The following ADGRL3 variants were observed in gnomAD, a reference collection of about 807,000 sequenced individuals.
ADGRL3 encodes the protein adhesion G protein-coupled receptor L3, also known as calcium-independent alpha-latrotoxin receptor 3.
ADGRL3 carries 62 observed loss-of-function variants against 153.5 expected under a neutral mutation model. The ratio of observed to expected loss-of-function variants is 0.40; its 90% CI spans 0.33 to 0.50. The LOEUF (loss-of-function observed/expected upper bound fraction) is 0.50. Ranked by LOEUF, ADGRL3 falls within the 20% of genes least tolerant of loss-of-function variation. The probability of loss-of-function intolerance (pLI) is 0.47; values close to 1 mark genes in which losing one functional copy is unlikely to be tolerated. For synonymous variants in ADGRL3, 710 were observed against 672.5 expected (o/e 1.06, Z -0.86); for missense variants, 1,641 against 1,859.4 (o/e 0.88, Z 2.16).
At chr4:61,486,485 G>A (rs1177834120) in intron 2 of ADGRL3, among the ~76,000 whole-genome samples, 2 of 152,182 alleles carry the variant, frequency 1.3e-5, no homozygotes, top group East Asian at 1.9e-4. Context: ...TAATCATAAA[G>A]GCTCTAAGAT....
chr4:61,438,818 C>T (rs1418614802), intron 2 of ADGRL3, among the ~76,000 whole-genome samples: 1 of 151,786 alleles, frequency 6.6e-6, no homozygotes, highest in Non-Finnish European at 1.5e-5. Flanking sequence ...CACCATTCTC[C>T]TGCCTCAGCT....
intron 5 of ADGRL3, among the ~76,000 whole-genome samples, chr4:61,655,544 A>C (rs945590658): frequency 6.6e-6 from 1 of 152,198 alleles, no homozygotes; most frequent in Non-Finnish European, 1.5e-5. Flanking sequence ...ATACACTTAC[A>C]CTTGGAAAAA....
chr4:61,349,892 A>G (rs2096004770), intron 1 of ADGRL3, among the ~76,000 whole-genome samples: 1 of 152,172 alleles, frequency 6.6e-6, no homozygotes, highest in African/African-American at 2.4e-5. Flanking sequence ...TGGCATTTCC[A>G]TACCTTGATC....
At chr4:62,024,531 T>C (rs2151424238) in intron 21 of ADGRL3, among the ~76,000 whole-genome samples, 1 of 152,264 alleles carries the variant, frequency 6.6e-6, no homozygotes, top group Non-Finnish European at 1.5e-5. Flanking sequence ...ACATGTATAT[T>C]ATGTGACTTT....
At chr4:61,468,779 T>G (rs2097913196) in intron 2 of ADGRL3, among the ~76,000 whole-genome samples, 2 of 152,128 alleles carry the variant, frequency 1.3e-5, no homozygotes, top group African/African-American at 4.8e-5. Context: ...TATCAGAGTC[T>G]ACACCACAGA....
intron 13 of ADGRL3, among the ~76,000 whole-genome samples, chr4:61,922,315 AG>A (rs1185522119): frequency 6.6e-6 from 1 of 152,214 alleles, no homozygotes; most frequent in Non-Finnish European, 1.5e-5. Context: ...TAAAACTAAT[AG>A]ATATTATTTT....
At position 61,477,779 on chromosome 4, in the gene ADGRL3, A is replaced by G. The variant is rs377538001; in HGVS notation, c.-173-19342A>G. Reference sequence around the variant, plus strand: ...AATGTGATGATATGTCTTTATCTCTATTATTTTTAAAAGCTGTAGCTATTT... The same window carrying G: ...AATGTGATGATATGTCTTTATCTCTGTTATTTTTAAAAGCTGTAGCTATTT... On this transcript the variant is annotated intron_variant, in intron 2 of 26. Coordinates refer to ENST00000683033, the MANE Select transcript of ADGRL3 (RefSeq NM_001387552.1). Among the ~76,000 whole-genome samples the G allele has an allele frequency of 3.9e-5, 6 of 152,168 alleles. No individual in the cohort carries two copies. The South Asian group carries it at 8.3e-4, about 21-fold the overall frequency.
chr4:61,270,522 A>G (rs1444757954), intron 1 of ADGRL3, among the ~76,000 whole-genome samples: 1 of 151,826 alleles, frequency 6.6e-6, no homozygotes, highest in African/African-American at 2.4e-5. Context: ...GTCTAGTCAA[A>G]AAAGGTCCTA....
intron 9 of ADGRL3, among the ~76,000 whole-genome samples, chr4:61,860,866 C>G (rs2098333585): frequency 6.6e-6 from 1 of 152,076 alleles, no homozygotes; most frequent in African/African-American, 2.4e-5. Context: ...TTAGCAAGTG[C>G]AAAGTAACAT....
At position 61,983,418 on chromosome 4, in the gene ADGRL3, C is replaced by T. The variant is rs1261460462; in HGVS notation, c.3051C>T (p.Phe1017=). 6.2e-7 allele frequency: 1 copy of T among 1,613,752 alleles called. No homozygotes were observed. Among genetic ancestry groups the T allele is most frequent in the African/African-American group, 1.3e-5 (1 of 75,012 alleles). ...ACAVFAALLH[F]FFLAAFTWMF... ...CTGTTTTCGCTGCCCTGTTACATTT[C>T]TTCTTCTTGGCTGCCTTCACCTGGA... The change falls in exon 19 of 27, where the codon TTC becomes TTT. Residue 1017 remains phenylalanine (F), a synonymous_variant. Coordinates refer to ENST00000683033, the MANE Select transcript of ADGRL3 (RefSeq NM_001387552.1).
intron 3 of ADGRL3, among the ~76,000 whole-genome samples, chr4:61,502,392 AGGAATAAC>A (rs940779938): frequency 6.6e-6 from 1 of 152,196 alleles, no homozygotes; most frequent in African/African-American, 2.4e-5. Flanking sequence ...CACTTAAACT[AGGAATAAC>A]GGCGAGCGGT....
chr4:61,619,935 T>C (rs74953961), intron 5 of ADGRL3, among the ~76,000 whole-genome samples: 4,978 of 152,288 alleles, frequency 0.033, 154 homozygotes, highest in East Asian at 0.18. Context: ...TAAAATTTCA[T>C]CTGTGTCAAG....
intron 6 of ADGRL3, among the ~76,000 whole-genome samples, chr4:61,717,712 T>C (rs1486101106): frequency 5.9e-5 from 9 of 152,172 alleles, no homozygotes; most frequent in Non-Finnish European, 1.3e-4. Context: ...GTAAGCTATT[T>C]TGTTTGCAGT....
At chr4:61,651,127 G>A (rs990313461) in intron 5 of ADGRL3, among the ~76,000 whole-genome samples, 2 of 152,060 alleles carry the variant, frequency 1.3e-5, no homozygotes, top group Non-Finnish European at 2.9e-5. Flanking sequence ...CGGAAGAAAA[G>A]TTCTAGCTTA....
intron 2 of ADGRL3, among the ~76,000 whole-genome samples, chr4:61,416,492 AAC>A (rs1350822980): frequency 6.6e-6 from 1 of 152,206 alleles, no homozygotes; most frequent in African/African-American, 2.4e-5. Flanking sequence ...AGGACAGTTG[AAC>A]ATTAAACTCA....
At chr4:61,369,775 T>A (rs2151678730) in intron 1 of ADGRL3, among the ~76,000 whole-genome samples, 1 of 152,332 alleles carries the variant, frequency 6.6e-6, no homozygotes, top group Middle Eastern at 3.4e-3. Context: ...CCTCTTTTTC[T>A]ATTGATTGTA....
chr4:61,785,153 G>A lies in ADGRL3; in HGVS notation c.1400-28656G>A, dbSNP rs142143069. ...GGGTTAGGAGGGAGATTAAGAGAGA[G>A]ACATAGAAGGTAGTTTGAAATATCT... On this transcript the variant is annotated intron_variant, in intron 8 of 26. Transcript: ENST00000683033. Among the ~76,000 whole-genome samples the A allele has an allele frequency of 4.6e-3, 697 of 152,246 alleles. 7 individuals carry two copies. Among genetic ancestry groups the A allele is most frequent in the African/African-American group, 0.016 (646 of 41,568 alleles).
intron 9 of ADGRL3, among the ~76,000 whole-genome samples, chr4:61,868,338 T>A (rs1335706283): frequency 6.6e-6 from 1 of 152,024 alleles, no homozygotes; most frequent in East Asian, 1.9e-4. Flanking sequence ...AATCAAGCGA[T>A]TTCTATCTCT....
intron 5 of ADGRL3, among the ~76,000 whole-genome samples, chr4:61,592,851 C>T (rs1271997229): frequency 6.6e-6 from 1 of 152,096 alleles, no homozygotes; most frequent in Admixed American, 6.5e-5. Context: ...GTTAGGTCTC[C>T]TTTGCCCACA....
Sources: allele counts gnomAD v4.1 joint callset (sites outside exome capture counted in the v4.1 genomes callset), GRCh38; gene constraint gnomAD v4.1.1; transcripts MANE v1.5; gene names NCBI Gene and HGNC (gene_info 2026-07-23, HGNC 2026-07-21).